The following MMP16 variants were observed in gnomAD, a reference collection of about 807,000 sequenced individuals.
MMP16 encodes matrix metallopeptidase 16, also known as matrix metalloproteinase-16.
MMP16 carries 12 observed loss-of-function variants against 67.8 expected under a neutral mutation model. The observed-to-expected ratio is 0.18, with a 90% CI of 0.11 to 0.29. The LOEUF is 0.29. Among genes scored for constraint, MMP16 ranks in the 10% least tolerant of loss-of-function variants. MMP16 has a pLI of 1.00. For synonymous variants in MMP16, 249 were observed against 255.9 expected (o/e 0.97, Z 0.26); for missense variants, 475 against 765.7 (o/e 0.62, Z 4.48).
intron 1 of MMP16, among the ~76,000 whole-genome samples, chr8:88,284,874 T>C (rs1810803032): frequency 6.6e-6 from 1 of 151,616 alleles, no homozygotes; most frequent in Non-Finnish European, 1.5e-5. Flanking sequence ...CAGAAATTCT[T>C]CCCCCTAGTG....
At chr8:88,095,537 C>T (rs1451008419) in intron 6 of MMP16, among the ~76,000 whole-genome samples, 1 of 151,800 alleles carries the variant, frequency 6.6e-6, no homozygotes, top group Non-Finnish European at 1.5e-5. Context: ...CTGCTTATAC[C>T]TATTAGAAAA....
chr8:88,066,221 A>G lies in MMP16; in HGVS notation c.1222+8384T>C, dbSNP rs531111910. ...ATTGCACCAGCTCAATTTTTAAGAC[A>G]GCTTTTTTGATACTATTATCTCATA... On this transcript the variant is annotated intron_variant, in intron 7 of 9. Transcript: ENST00000286614. 5.9e-5 allele frequency among the ~76,000 whole-genome samples: 9 copies of G among 152,268 alleles called. No homozygotes were observed. The East Asian group carries it at 1.4e-3, about 23-fold the overall frequency.
chr8:88,052,541 T>C (rs1258503000), intron 8 of MMP16, among the ~76,000 whole-genome samples: 2 of 152,190 alleles, frequency 1.3e-5, no homozygotes, highest in Non-Finnish European at 2.9e-5. Context: ...TCTGTGTGAA[T>C]ACACAGAAGA....
At chr8:88,161,385 G>A (rs1159560869) in intron 4 of MMP16, among the ~76,000 whole-genome samples, 1 of 152,150 alleles carries the variant, frequency 6.6e-6, no homozygotes, top group Non-Finnish European at 1.5e-5. Context: ...TGTGGGATCA[G>A]TGGTGACATC....
chr8:88,313,598 G>A (rs1811331943), intron 1 of MMP16, among the ~76,000 whole-genome samples: 1 of 152,058 alleles, frequency 6.6e-6, no homozygotes, highest in South Asian at 2.1e-4. Flanking sequence ...GTGAGTTTAT[G>A]TATTTTCCAT....
At chr8:88,313,946 G>A (rs764282266) in intron 1 of MMP16, among the ~76,000 whole-genome samples, 12 of 151,994 alleles carry the variant, frequency 7.9e-5, no homozygotes, top group South Asian at 2.1e-4. Context: ...GGAAAGACCC[G>A]TCCCCATGAT....
At chr8:88,050,256 A>T (rs1304772065) in intron 8 of MMP16, among the ~76,000 whole-genome samples, 1 of 150,940 alleles carries the variant, frequency 6.6e-6, no homozygotes, top group African/African-American at 2.4e-5. Flanking sequence ...CCAGGAGGCG[A>T]AGGTTGCAGC....
intron 2 of MMP16, among the ~76,000 whole-genome samples, chr8:88,189,444 C>T (rs1378561505): frequency 6.6e-6 from 1 of 152,166 alleles, no homozygotes; most frequent in East Asian, 1.9e-4. Flanking sequence ...CCCTCCACTA[C>T]TCTTTCCTCA....
chr8:88,161,304 A>T (rs1262415042), intron 4 of MMP16, among the ~76,000 whole-genome samples: 1 of 151,990 alleles, frequency 6.6e-6, no homozygotes, highest in Non-Finnish European at 1.5e-5. Context: ...GAATTTATCC[A>T]TTTCTTCTAG....
chr8:88,199,118 G>A (rs1809301483), intron 1 of MMP16, among the ~76,000 whole-genome samples: 1 of 151,998 alleles, frequency 6.6e-6, no homozygotes. Flanking sequence ...TTGCTAGAGA[G>A]CTGACTTGTT....
intron 1 of MMP16, among the ~76,000 whole-genome samples, chr8:88,229,711 A>G (rs987761556): frequency 1.3e-5 from 2 of 151,268 alleles, no homozygotes; most frequent in African/African-American, 4.9e-5. Flanking sequence ...AAAAAAAAAG[A>G]CAAGAATGCT....
chr8:88,108,738 C>T (rs1809284554), intron 6 of MMP16, among the ~76,000 whole-genome samples: 1 of 151,310 alleles, frequency 6.6e-6, no homozygotes, highest in Admixed American at 6.6e-5. Flanking sequence ...TTTCCATTCC[C>T]TAATTCCATT....
intron 1 of MMP16, among the ~76,000 whole-genome samples, chr8:88,283,948 T>A (rs1414476231): frequency 6.6e-6 from 1 of 152,154 alleles, no homozygotes; most frequent in Non-Finnish European, 1.5e-5. Context: ...GTGCTAAAAG[T>A]TCTATATTTG....
At chr8:88,239,641 TAA>T (rs1810003710) in intron 1 of MMP16, among the ~76,000 whole-genome samples, 1 of 152,122 alleles carries the variant, frequency 6.6e-6, no homozygotes, top group Non-Finnish European at 1.5e-5. Context: ...ACTAAAATGC[TAA>T]GAGTTTCATC....
At chr8:88,174,757 C>T (rs1245092699) in intron 3 of MMP16, among the ~76,000 whole-genome samples, 35 of 139,756 alleles carry the variant, frequency 2.5e-4, no homozygotes, top group African/African-American at 7.6e-4. Context: ...ATTTTGACTG[C>T]TTTTTTTTTT....
At chr8:88,133,420 C>T (rs1808066810) in intron 4 of MMP16, among the ~76,000 whole-genome samples, 1 of 151,810 alleles carries the variant, frequency 6.6e-6, no homozygotes, top group Non-Finnish European at 1.5e-5. Flanking sequence ...TTCAATAACC[C>T]TCCTCAGTTA....
rs749813417 is a variant in MMP16, at chr8:88,116,548, T to TA, written c.1041dup (p.Asn348Ter). The TA allele has an allele frequency of 6.2e-7, 1 of 1,613,592 alleles. No individual in the cohort carries two copies. Among genetic ancestry groups the TA allele is most frequent in the Non-Finnish European group, 8.5e-7 (1 of 1,179,826 alleles). On this transcript the variant is annotated frameshift_variant, in exon 6 of 10. Coordinates refer to ENST00000286614, the MANE Select transcript of MMP16 (RefSeq NM_005941.5). LOFTEE classifies it high-confidence loss of function. The stretch of plus-strand genomic sequence containing the variant: ...TCACGACGAAGAATAGCTAGAGTGT[T>TA]AAAGTTCCCATCACAGATGTTGGGT...
intron 1 of MMP16, among the ~76,000 whole-genome samples, chr8:88,281,338 A>G (rs1810732706): frequency 6.6e-6 from 1 of 152,238 alleles, no homozygotes; most frequent in South Asian, 2.1e-4. Flanking sequence ...GATGAGCTCA[A>G]GGGTTAAGAG....
chr8:88,305,329 C>T (rs1375919021), intron 1 of MMP16, among the ~76,000 whole-genome samples: 1 of 152,140 alleles, frequency 6.6e-6, no homozygotes, highest in Non-Finnish European at 1.5e-5. Flanking sequence ...GACTTAGATG[C>T]CCACACAGCA....
Sources: allele counts gnomAD v4.1 joint callset (sites outside exome capture counted in the v4.1 genomes callset), GRCh38; gene constraint gnomAD v4.1.1; transcripts MANE v1.5; gene names NCBI Gene and HGNC (gene_info 2026-07-23, HGNC 2026-07-21).